Variants in PHACTR2 observed in about 807,000 individuals in gnomAD.
PHACTR2 encodes phosphatase and actin regulator 2.
In PHACTR2, 30 loss-of-function variants were observed where a neutral mutation model predicts 76.0. That is an observed-to-expected ratio of 0.39 (90% CI 0.30 to 0.54). The LOEUF (loss-of-function observed/expected upper bound fraction) is 0.54, where lower values mean the gene tolerates loss of function less well. PHACTR2 is among the 20% of genes least tolerant of loss of function. The probability of loss-of-function intolerance (pLI) is 0.61; values close to 1 mark genes in which losing one functional copy is unlikely to be tolerated. For missense variants in PHACTR2, 696 were observed against 781.1 expected, an observed-to-expected ratio of 0.89 and a Z score of 1.30; for synonymous variants, 292 against 292.5, an observed-to-expected ratio of 1.00 and a Z score of 0.02.
intron 1 of PHACTR2, among the ~76,000 whole-genome samples, chr6:143,587,290 C>T (rs1045064783): frequency 4.6e-5 from 7 of 152,174 alleles, no homozygotes; most frequent in East Asian, 1.9e-4. Flanking sequence ...TGTTCAAGAA[C>T]GATGTTAACA....
At chr6:143,638,439 G>A (rs992225536) in intron 1 of PHACTR2, among the ~76,000 whole-genome samples, 32 of 152,108 alleles carry the variant, frequency 2.1e-4, no homozygotes, top group Non-Finnish European at 4.1e-4. Context: ...CAGCTACTCA[G>A]GAGGCTGAGA....
chr6:143,731,138 T>C lies in PHACTR2; in HGVS notation c.215-17847T>C, dbSNP rs765957221. ...TAAGAGTATTTATTATGAATAGATA[T>C]TGGATTTCTCAAACGCATTTTTCTG... is the stretch of plus-strand genomic sequence containing the variant. On this transcript the variant is annotated intron_variant, in intron 2 of 12. Coordinates refer to ENST00000440869, the MANE Select transcript of PHACTR2 (RefSeq NM_001100164.2). This position sits in a 1 kb window ranked among gnomAD's most constrained non-coding sequence, Gnocchi z 4.9. Among the ~76,000 whole-genome samples, 26 of 152,240 alleles carry C rather than the reference T, an allele frequency of 1.7e-4. No homozygotes were observed. Among genetic ancestry groups the C allele is most frequent in the Non-Finnish European group, 3.2e-4 (22 of 68,048 alleles).
chr6:143,637,265 T>C (rs866548934), intron 1 of PHACTR2, among the ~76,000 whole-genome samples: 3 of 152,190 alleles, frequency 2.0e-5, no homozygotes, highest in African/African-American at 4.8e-5. Flanking sequence ...TAATTTTTTT[T>C]CTAAGTTAAC....
At position 143,791,970 on chromosome 6, in the gene PHACTR2, CA is replaced by C. The variant is rs1182317528; in HGVS notation, c.1845+3061del. Among the ~76,000 whole-genome samples the C allele has an allele frequency of 2.0e-5, 3 of 152,074 alleles. No homozygotes were observed. Among genetic ancestry groups the C allele is most frequent in the Non-Finnish European group, 2.9e-5 (2 of 68,016 alleles). On this transcript the variant is annotated intron_variant, in intron 11 of 12. Transcript: ENST00000440869. The surrounding 1 kb of genome is among the most constrained non-coding windows in gnomAD (Gnocchi z 4.7). ...GCCTATCCCCTTACTTACTAAGCAC[CA>C]GCTTGCAATTTTTTGTTTGTCCTTG...
chr6:143,714,087 T>G (rs2128461472), intron 2 of PHACTR2, among the ~76,000 whole-genome samples: 1 of 152,356 alleles, frequency 6.6e-6, no homozygotes, highest in African/African-American at 2.4e-5. Flanking sequence ...AACTAATATT[T>G]GGATATAACC....
Position 143,555,209 on chromosome 6 carries a change from GC to G in PHACTR2, c.217+18004del, listed in dbSNP as rs369819430. 826 of 152,232 alleles carry G rather than the reference GC, an allele frequency of 5.4e-3. 9 individuals carry two copies. The highest frequency in any genetic ancestry group is 0.019 in the African/African-American group (781 of 41,536). The allele number at this position is 152,232 out of a possible 1,614,324, so 9.4% of individuals were successfully genotyped here. ...TGCTTTGTCTGCACATTTACGTCGA[GC>G]CTGCCGAGCTTAATTTTAACCTGGG... is the stretch of plus-strand genomic sequence containing the variant. On this transcript the variant is annotated intron_variant, in intron 1 of 11. Transcript: ENST00000367584.
chr6:143,609,377 T>C (rs564328654), intron 1 of PHACTR2, among the ~76,000 whole-genome samples: 1 of 151,318 alleles, frequency 6.6e-6, no homozygotes, highest in South Asian at 2.1e-4. Context: ...GTCATTGCCA[T>C]TGAAGATATT....
rs1354544971 is a variant in PHACTR2 at position 143,757,311 on chromosome 6, G to A, written c.455-3090G>A. On this transcript the variant is annotated intron_variant, in intron 4 of 12. Transcript: ENST00000440869. The surrounding 1 kb of genome is among the most constrained non-coding windows in gnomAD (Gnocchi z 4.2). ...ATGCAAACGGGCAATTGTAGTGCAA[G>A]ATGCGAAGTACCGTAGAAGGCCTGA... Among the ~76,000 whole-genome samples the A allele has an allele frequency of 6.6e-6, 1 of 152,214 alleles. No individual in the cohort carries two copies. Among genetic ancestry groups the A allele is most frequent in the African/African-American group, 2.4e-5 (1 of 41,466 alleles).
Position 143,539,783 on chromosome 6 carries a change from TC to T in PHACTR2, c.217+2580del, listed in dbSNP as rs1781155490. Among the ~76,000 whole-genome samples the T allele has an allele frequency of 6.6e-6, 1 of 152,090 alleles. No homozygotes were observed. The highest frequency in any genetic ancestry group is 1.5e-5 in the Non-Finnish European group (1 of 68,012). On this transcript the variant is annotated intron_variant, in intron 1 of 11. Coordinates refer to the PHACTR2 transcript ENST00000367584. This position sits in a 1 kb window ranked among gnomAD's most constrained non-coding sequence, Gnocchi z 4.3. The stretch of plus-strand genomic sequence containing the variant: ...TAACTGAATCTGCATTTTAATAAGA[TC>T]CCCAGGTTGTTCTTAGTCACCTTGC...
intron 11 of PHACTR2, among the ~76,000 whole-genome samples, chr6:143,805,520 G>A (rs1468379408): frequency 1.3e-5 from 2 of 150,044 alleles, no homozygotes; most frequent in Admixed American, 6.7e-5. Context: ...AAGGAAGAAC[G>A]TTTTATAGAT....
At chr6:143,635,798 G>A (rs942827033) in intron 1 of PHACTR2, among the ~76,000 whole-genome samples, 1 of 152,104 alleles carries the variant, frequency 6.6e-6, no homozygotes, top group Non-Finnish European at 1.5e-5. Context: ...TGACACAAAT[G>A]CAGGCCTTTT....
At chr6:143,582,034 A>G (rs1210203078) in intron 1 of PHACTR2, among the ~76,000 whole-genome samples, 2 of 152,216 alleles carry the variant, frequency 1.3e-5, no homozygotes, top group Non-Finnish European at 2.9e-5. Flanking sequence ...AGGAAAAGCT[A>G]GAAAAAAAGA....
At chr6:143,593,696 A>G (rs1775718752) in intron 1 of PHACTR2, among the ~76,000 whole-genome samples, 1 of 152,214 alleles carries the variant, frequency 6.6e-6, no homozygotes, top group Admixed American at 6.5e-5. Context: ...TGAAATGTTT[A>G]TAAGATGATT....
At chr6:143,728,157 ATTCT>A (rs1417518059) in intron 2 of PHACTR2, among the ~76,000 whole-genome samples, 1 of 147,380 alleles carries the variant, frequency 6.8e-6, no homozygotes, top group African/African-American at 2.5e-5. Context: ...TCTTTCTTTC[ATTCT>A]TTCTTTCGTT....
chr6:143,565,235 T>C (rs1257254899), intron 1 of PHACTR2, among the ~76,000 whole-genome samples: 6 of 151,962 alleles, frequency 3.9e-5, no homozygotes, highest in Admixed American at 3.9e-4. Context: ...ATACAGAAAA[T>C]AAGGGATACA....
chr6:143,718,071 A>G (rs1778342002), intron 2 of PHACTR2, among the ~76,000 whole-genome samples: 1 of 152,218 alleles, frequency 6.6e-6, no homozygotes, highest in Admixed American at 6.5e-5. Context: ...AAGGCAACTT[A>G]TCTTCAATAA....
chr6:143,576,206 T>C (rs1775504682), intron 1 of PHACTR2, among the ~76,000 whole-genome samples: 1 of 152,248 alleles, frequency 6.6e-6, no homozygotes, highest in South Asian at 2.1e-4. Context: ...AATCCTTTAA[T>C]TACCTTTGAG....
At chr6:143,779,006 T>C (rs1775352844) in intron 9 of PHACTR2, among the ~76,000 whole-genome samples, 2 of 152,184 alleles carry the variant, frequency 1.3e-5, no homozygotes, top group South Asian at 4.1e-4. Flanking sequence ...AGCCCTTTTT[T>C]TCCTTCCTTC....
In PHACTR2 at chr6:143,714,992, A is replaced by G. The variant is rs1283781935; in HGVS notation, c.214+2809A>G. ...ATAAACACAGTTGTTTCTCTAACTT[A>G]TCACAGTGTATTACCATCAAAACCA... On this transcript the variant is annotated intron_variant, in intron 2 of 12. Coordinates refer to ENST00000440869, the MANE Select transcript of PHACTR2 (RefSeq NM_001100164.2). Among the ~76,000 whole-genome samples the G allele has an allele frequency of 4.6e-5, 7 of 152,288 alleles. 1 individual carries two copies. The South Asian group carries it at 1.0e-3, about 23-fold the overall frequency.
Sources: gnomAD v4.1 joint callset for allele counts (sites outside exome capture counted in the v4.1 genomes callset) on GRCh38, gnomAD v4.1.1 for gene constraint, Gnocchi (gnomAD v3.1) non-coding constraint, MANE v1.5 for transcripts, NCBI Gene and HGNC (gene_info 2026-07-23, HGNC 2026-07-21) for gene names.